Variants in SBF2 observed in about 807,000 individuals in gnomAD.
SBF2 encodes the protein myotubularin-related protein 13.
Under a neutral mutation model 225.2 loss-of-function variants are expected in SBF2, and 112 were observed. That is an observed-to-expected ratio of 0.50 (90% CI 0.43 to 0.58). The LOEUF is 0.58. SBF2 is among the 20% of genes least tolerant of loss of function. The pLI, the probability that SBF2 is intolerant of heterozygous loss-of-function variation, is 0.00. For synonymous variants in SBF2, 763 were observed against 773.3 expected (o/e 0.99, Z 0.22); for missense variants, 1,996 against 2,206.2 (o/e 0.90, Z 1.91).
chr11:9,805,653 C>T (rs562029629), intron 32 of SBF2, among the ~76,000 whole-genome samples: 16 of 152,176 alleles, frequency 1.1e-4, no homozygotes, highest in African/African-American at 2.4e-4. Context: ...GACGGAGCCT[C>T]GCTCTGTCTC....
intron 2 of SBF2, among the ~76,000 whole-genome samples, chr11:10,122,352 T>C (rs1349915955): frequency 6.6e-6 from 1 of 152,200 alleles, no homozygotes; most frequent in Non-Finnish European, 1.5e-5. Flanking sequence ...GTGGGTACTG[T>C]CCACAGTTTC....
chr11:9,927,031 A>G (rs11042549), intron 16 of SBF2, among the ~76,000 whole-genome samples: 77,652 of 151,936 alleles, frequency 0.51, 20,296 homozygotes, highest in African/African-American at 0.6. Context: ...GAGACAACAC[A>G]TTTTTGCCAT....
At chr11:10,297,056 T>C (rs1964555760), upstream of SBF2, among the ~76,000 whole-genome samples, 1 of 152,178 alleles carries the variant, frequency 6.6e-6, no homozygotes, top group Admixed American at 6.6e-5. Flanking sequence ...TGATTCTTTG[T>C]CTTTTTGAGG....
At chr11:9,822,597 T>C (rs1257600367) in intron 28 of SBF2, among the ~76,000 whole-genome samples, 1 of 152,182 alleles carries the variant, frequency 6.6e-6, no homozygotes, top group Non-Finnish European at 1.5e-5. Flanking sequence ...AGGAACCATG[T>C]GACCTTGGAC....
intron 16 of SBF2, among the ~76,000 whole-genome samples, chr11:9,943,399 C>T (rs1434264037): frequency 6.6e-6 from 1 of 151,946 alleles, no homozygotes; most frequent in Non-Finnish European, 1.5e-5. Flanking sequence ...ATTAAAATTA[C>T]AAACATATTT....
chr11:9,943,514 AC>A (rs1865400972), intron 16 of SBF2, among the ~76,000 whole-genome samples: 1 of 151,966 alleles, frequency 6.6e-6, no homozygotes, highest in African/African-American at 2.4e-5. Context: ...CATACTAAAA[AC>A]TCCCATAAAT....
intron 1 of SBF2, among the ~76,000 whole-genome samples, chr11:10,287,032 A>T (rs1163008274): frequency 6.6e-6 from 1 of 152,250 alleles, no homozygotes; most frequent in Admixed American, 6.5e-5. Context: ...GAATGGATAA[A>T]TCGTATCATA....
intron 25 of SBF2, among the ~76,000 whole-genome samples, 169 bp from the exon 26 acceptor site, chr11:9,839,865 G>A (rs1855993498): frequency 6.6e-6 from 1 of 152,170 alleles, no homozygotes; most frequent in South Asian, 2.1e-4. Context: ...AGTACCTGTG[G>A]GGAGCTCACT....
intron 17 of SBF2, among the ~76,000 whole-genome samples, chr11:9,861,955 T>C (rs2134018043): frequency 6.6e-6 from 1 of 152,316 alleles, no homozygotes; most frequent in East Asian, 1.9e-4. Flanking sequence ...AGAGTGACAG[T>C]GGCCCAAAGG....
intron 1 of SBF2, among the ~76,000 whole-genome samples, chr11:10,300,494 C>T (rs1964585297): frequency 6.6e-6 from 1 of 151,634 alleles, no homozygotes; most frequent in Non-Finnish European, 1.5e-5. Flanking sequence ...GATGAAACCA[C>T]ATCTCTATAA....
chr11:10,095,829 T>C (rs944537816), intron 2 of SBF2, among the ~76,000 whole-genome samples: 3 of 152,168 alleles, frequency 2.0e-5, no homozygotes, highest in African/African-American at 7.2e-5. Context: ...ATGAACCTTG[T>C]ATTACACAGT....
intron 30 of SBF2, chr11:9,809,231 C>A: frequency 2.2e-6 from 1 of 448,008 alleles, no homozygotes. Flanking sequence ...TTTGGGAGGC[C>A]GAGCCGGGCA....
chr11:10,146,266 C>T (rs1954879729), intron 2 of SBF2, among the ~76,000 whole-genome samples: 1 of 152,036 alleles, frequency 6.6e-6, no homozygotes. Context: ...ATAACCAAGG[C>T]AAATCTAAGC....
At chr11:9,979,436 T>C (rs1339541588) in intron 13 of SBF2, among the ~76,000 whole-genome samples, 1 of 152,198 alleles carries the variant, frequency 6.6e-6, no homozygotes, top group Non-Finnish European at 1.5e-5. Context: ...ATGATCATGC[T>C]GTAATTACTT....
intron 2 of SBF2, among the ~76,000 whole-genome samples, chr11:10,145,919 A>G (rs1380859200): frequency 1.3e-5 from 2 of 152,178 alleles, no homozygotes; most frequent in African/African-American, 4.8e-5. Flanking sequence ...TAGCATTCCC[A>G]TACACCAACA....
chr11:10,052,445 T>A (rs1178768139), intron 2 of SBF2, among the ~76,000 whole-genome samples: 1 of 152,206 alleles, frequency 6.6e-6, no homozygotes, highest in Non-Finnish European at 1.5e-5. Context: ...AATGTGGGAA[T>A]CCTTTTCAGG....
chr11:10,268,223 C>T (rs886214815), intron 1 of SBF2, among the ~76,000 whole-genome samples: 1 of 152,152 alleles, frequency 6.6e-6, no homozygotes, highest in African/African-American at 2.4e-5. Flanking sequence ...CATAGTTTTA[C>T]CTACAAGCAG....
At position 10,244,864 on chromosome 11, in the gene SBF2, G is replaced by A. The variant is rs941259457; in HGVS notation, c.55+49151C>T. Among the ~76,000 whole-genome samples, 8 of 152,008 alleles carry A rather than the reference G, an allele frequency of 5.3e-5. No individual in the cohort carries two copies. The South Asian group carries it at 1.0e-3, about 20-fold the overall frequency. On this transcript the variant is annotated intron_variant, in intron 1 of 39. Transcript: ENST00000256190. ...AATTTAAAATGGGCAGGCCAGGGGC[G>A]GTGGTGCATGCCTGTAATCCCAGCA...
intron 17 of SBF2, among the ~76,000 whole-genome samples, chr11:9,893,896 G>A (rs920707767): frequency 1.3e-5 from 2 of 152,112 alleles, no homozygotes; most frequent in African/African-American, 4.8e-5. Context: ...GCATTCTTAC[G>A]AATTCTCTTT....
Sources: gnomAD v4.1 joint callset for allele counts (sites outside exome capture counted in the v4.1 genomes callset) on GRCh38, gnomAD v4.1.1 for gene constraint, MANE v1.5 for transcripts, NCBI Gene and HGNC (gene_info 2026-07-23, HGNC 2026-07-21) for gene names.